The following SLC12A7 variants were observed in gnomAD, a reference collection of about 807,000 sequenced individuals.
SLC12A7 encodes the protein K-Cl cotransporter 4.
In SLC12A7, 100 loss-of-function variants were observed where a neutral mutation model predicts 120.6. The observed-to-expected ratio is 0.83, with a 90% confidence interval of 0.71 to 0.98. The LOEUF (loss-of-function observed/expected upper bound fraction) is 0.98. Ranked by LOEUF, SLC12A7 falls within the 50% of genes least tolerant of loss-of-function variation. SLC12A7 has a pLI of 0.00. For synonymous variants in SLC12A7, 760 were observed against 678.0 expected (o/e 1.12, Z -1.88); for missense variants, 1,373 against 1,548.1 (o/e 0.89, Z 1.90).
rs1735090030 is a variant in SLC12A7 at position 1,052,021 on chromosome 5, C to A, written c.*339G>T. 5.9e-6 allele frequency: 2 copies of A among 337,424 alleles called. No individual in the cohort carries two copies. Among genetic ancestry groups the A allele is most frequent in the Non-Finnish European group, 1.1e-5 (2 of 184,648 alleles). 20.9% of individuals were successfully genotyped at this position (337,424 alleles called of 1,614,324 possible). On this transcript the variant is annotated 3_prime_UTR_variant, in exon 24 of 24. Transcript: ENST00000264930. ...CAACCTAACCACTGGGTAAATCCAG[C>A]CAAGGAAAAGAACTTCCAGAAACCA...
At chr5:1,108,571 C>T (rs768180095) in intron 1 of SLC12A7, among the ~76,000 whole-genome samples, 1 of 152,100 alleles carries the variant, frequency 6.6e-6, no homozygotes, top group Non-Finnish European at 1.5e-5. Flanking sequence ...CTGGGCACAA[C>T]GAGAGCTCTC....
chr5:1,151,553 A>G, the SLC12A7 span, among the ~76,000 whole-genome samples: 1 of 152,158 alleles, frequency 6.6e-6, no homozygotes, highest in Non-Finnish European at 1.5e-5. The surrounding 1 kb of genome is among the most constrained non-coding windows in gnomAD (Gnocchi z 6.2). Flanking sequence ...AAAAGGCCCA[A>G]CCCTCTAATC....
upstream of SLC12A7, among the ~76,000 whole-genome samples, chr5:1,114,806 G>A (rs572074058): frequency 7.2e-5 from 11 of 152,256 alleles, no homozygotes; most frequent in East Asian, 9.7e-4. Flanking sequence ...TAGCTCCTCC[G>A]TCCGCAGTCG....
At chr5:1,073,918 T>TGACAGGCGG in intron 16 of SLC12A7, 117 bp from the exon 17 acceptor site, 1 of 1,031,784 alleles carries the variant, frequency 9.7e-7, no homozygotes, top group Non-Finnish European at 1.3e-6. Flanking sequence ...GGGAGATACA[T>TGACAGGCGG]GACAGGCGGG....
intron 1 of SLC12A7, among the ~76,000 whole-genome samples, chr5:1,110,265 C>A (rs759013308): frequency 1.3e-5 from 2 of 152,240 alleles, no homozygotes; most frequent in Non-Finnish European, 2.9e-5. Context: ...CACAGGGCCA[C>A]CCTCAAAAGT....
At position 1,099,026 on chromosome 5, in the gene SLC12A7, T is replaced by C. The variant is rs568226497; in HGVS notation, c.125-4778A>G. ...CACAGGGGAAAGCCTGGGCGTGCGG[T>C]GCAGGAAGGTGAGATGGGCAGGGTC... On this transcript the variant is annotated intron_variant, in intron 1 of 23. Coordinates refer to ENST00000264930, the MANE Select transcript of SLC12A7 (RefSeq NM_006598.3). Among the ~76,000 whole-genome samples the C allele has an allele frequency of 1.5e-3, 232 of 151,992 alleles. 4 individuals carry two copies. The highest frequency in any genetic ancestry group is 0.014 in the Admixed American group (208 of 15,278).
chr5:1,095,109 C>T (rs1740994969), intron 1 of SLC12A7, among the ~76,000 whole-genome samples: 1 of 138,222 alleles, frequency 7.2e-6, no homozygotes, highest in Non-Finnish European at 1.6e-5. Context: ...GGATGAAAGT[C>T]CCTACCCCCA....
At chr5:1,122,156 G>A in the SLC12A7 span, among the ~76,000 whole-genome samples, 1 of 152,214 alleles carries the variant, frequency 6.6e-6, no homozygotes, top group African/African-American at 2.4e-5. Flanking sequence ...GGATGGTGTG[G>A]GGGGACACTG....
chr5:1,064,850 AGGAG>A (rs1736792561), intron 18 of SLC12A7, among the ~76,000 whole-genome samples: 1 of 130,656 alleles, frequency 7.7e-6, no homozygotes, highest in Non-Finnish European at 1.7e-5. Flanking sequence ...AGCGACGGCG[AGGAG>A]ACGGCGAGGG....
the SLC12A7 span, among the ~76,000 whole-genome samples, chr5:1,143,086 G>T: frequency 6.6e-6 from 1 of 152,148 alleles, no homozygotes; most frequent in African/African-American, 2.4e-5. Context: ...CTTCCCTGAG[G>T]GCCCCAACAC....
chr5:1,078,548 A>C (rs1341078213), intron 11 of SLC12A7, 153 bp downstream of exon 11: 2 of 678,812 alleles, frequency 2.9e-6, no homozygotes, highest in Non-Finnish European at 5.4e-6. Flanking sequence ...ACGACACATC[A>C]GACCAAGGGA....
At chr5:1,133,879 G>T in the SLC12A7 span, among the ~76,000 whole-genome samples, 1 of 152,314 alleles carries the variant, frequency 6.6e-6, no homozygotes, top group Non-Finnish European at 1.5e-5. Context: ...AGAGAGGGTT[G>T]TGTGGAGCTG....
chr5:1,088,900 G>A, intron 4 of SLC12A7, 82 bp downstream of exon 4: 2 of 1,563,672 alleles, frequency 1.3e-6, no homozygotes, highest in Non-Finnish European at 1.7e-6. Flanking sequence ...CAGCGGCCAG[G>A]GGAGACGGCA....
Position 1,083,946 on chromosome 5 carries a change from G to T in SLC12A7, c.928C>A (p.Leu310Met). ...CGCCGTGACAGCGTGCGGTTCCCCA[G>T]GAGGCAGACCCTGGGCGGGACAGGG... ...FDPPDIPVCL[L>M]GNRTLSRRSF... Residue 310 changes from leucine (L) to methionine (M), a missense_variant, in exon 8 of 24, where the codon CTG becomes ATG. Leu to Met is a conservative substitution (Grantham distance 15). Transcript: ENST00000264930. 1 of 1,602,364 alleles carries T rather than the reference G, an allele frequency of 6.2e-7. No homozygotes were observed. The highest frequency in any genetic ancestry group is 1.3e-5 in the African/African-American group (1 of 75,000).
upstream of SLC12A7, among the ~76,000 whole-genome samples, chr5:1,113,334 A>T (rs1743178845): frequency 6.6e-6 from 1 of 152,144 alleles, no homozygotes; most frequent in African/African-American, 2.4e-5. Flanking sequence ...GCTGGAGGGG[A>T]GTGATGGCCT....
chr5:1,059,493 C>T (rs1735962628), intron 21 of SLC12A7, among the ~76,000 whole-genome samples: 1 of 152,180 alleles, frequency 6.6e-6, no homozygotes, highest in African/African-American at 2.4e-5. Context: ...TGATACCAGC[C>T]TGGTGGGACC....
At chr5:1,083,015 C>G (rs527625079) in intron 8 of SLC12A7, among the ~76,000 whole-genome samples, 1 of 149,304 alleles carries the variant, frequency 6.7e-6, no homozygotes, top group African/African-American at 2.5e-5. Context: ...ATCTCAGGTT[C>G]TGGAAAGCCT....
the SLC12A7 span, among the ~76,000 whole-genome samples, chr5:1,118,151 C>T: frequency 2.0e-5 from 3 of 152,216 alleles, no homozygotes; most frequent in Non-Finnish European, 1.5e-5. Flanking sequence ...CGGTCTCCCA[C>T]ACAGCCAGCT....
At chr5:1,117,998 C>T in the SLC12A7 span, among the ~76,000 whole-genome samples, 1 of 152,172 alleles carries the variant, frequency 6.6e-6, no homozygotes, top group African/African-American at 2.4e-5. This position sits in a 1 kb window ranked among gnomAD's most constrained non-coding sequence, Gnocchi z 4.5. Context: ...ATGGCGTGAA[C>T]CCGGGAGGCG....
Sources: allele counts gnomAD v4.1 joint callset (sites outside exome capture counted in the v4.1 genomes callset), GRCh38; gene constraint gnomAD v4.1.1; non-coding constraint Gnocchi (gnomAD v3.1); transcripts MANE v1.5; gene names NCBI Gene and HGNC (gene_info 2026-07-23, HGNC 2026-07-21).